DCDC2: variants seen among roughly 807,000 people sequenced by gnomAD.
DCDC2 encodes the protein doublecortin domain-containing protein 2.
A neutral mutation model predicts 50.2 loss-of-function variants in DCDC2; 40 were observed. The ratio of observed to expected loss-of-function variants is 0.80; its 90% CI spans 0.62 to 1.04. DCDC2 has a LOEUF of 1.04. Among genes scored for constraint, DCDC2 ranks in the 50% least tolerant of loss-of-function variants. DCDC2 has a pLI of 0.00. For missense variants in DCDC2, 570 were observed against 581.9 expected (o/e 0.98, Z 0.21); for synonymous variants, 234 against 210.6 (o/e 1.11, Z -0.96).
At chr6:24,292,954 C>T (rs1422361361) in intron 4 of DCDC2, among the ~76,000 whole-genome samples, 2 of 152,156 alleles carry the variant, frequency 1.3e-5, no homozygotes, top group Non-Finnish European at 2.9e-5. Flanking sequence ...TGGCCTATAT[C>T]CAAGCACTAT....
chr6:24,242,377 G>A (rs897156684), intron 7 of DCDC2, among the ~76,000 whole-genome samples: 1 of 151,648 alleles, frequency 6.6e-6, no homozygotes. Flanking sequence ...CACTCACCAC[G>A]CCTGCTCATG....
chr6:24,367,120 G>C, the DCDC2 span, among the ~76,000 whole-genome samples: 1 of 152,312 alleles, frequency 6.6e-6, no homozygotes, highest in African/African-American at 2.4e-5. Flanking sequence ...ACAGCCATGA[G>C]ACACCATGCC....
At chr6:24,358,936 T>TTTATATATTATATA (rs1208615202), upstream of DCDC2, among the ~76,000 whole-genome samples, 198 of 16,984 alleles carry the variant, frequency 0.012, 4 homozygotes, top group Admixed American at 0.023. Flanking sequence ...TATTATATAT[T>TTTATATATTATATA]TTATATATTA....
At chr6:24,373,135 A>G in the DCDC2 span, among the ~76,000 whole-genome samples, 1 of 152,162 alleles carries the variant, frequency 6.6e-6, no homozygotes. Context: ...CTCATCCACC[A>G]CTGGTGAAAC....
At chr6:24,366,562 T>C in the DCDC2 span, among the ~76,000 whole-genome samples, 3 of 152,230 alleles carry the variant, frequency 2.0e-5, no homozygotes, top group Non-Finnish European at 2.9e-5. Flanking sequence ...ATTAAGTGTT[T>C]AATAAATGTT....
At chr6:24,240,974 A>T (rs1361261734) in intron 7 of DCDC2, among the ~76,000 whole-genome samples, 1 of 152,250 alleles carries the variant, frequency 6.6e-6, no homozygotes, top group African/African-American at 2.4e-5. Flanking sequence ...ATATCAAGGC[A>T]ATCAGGAACA....
chr6:24,274,935 T>C (rs940256479), intron 7 of DCDC2, among the ~76,000 whole-genome samples: 11 of 152,100 alleles, frequency 7.2e-5, no homozygotes, highest in Non-Finnish European at 1.5e-4. Flanking sequence ...CTAAAATTTA[T>C]CACTTTGAAA....
intron 7 of DCDC2, among the ~76,000 whole-genome samples, chr6:24,253,604 A>G (rs1215635297): frequency 2.6e-5 from 4 of 152,214 alleles, no homozygotes; most frequent in Non-Finnish European, 1.5e-5. Flanking sequence ...ACAAACCTAT[A>G]CAGCATGCTA....
At chr6:24,239,449 G>T (rs1257086840) in intron 7 of DCDC2, among the ~76,000 whole-genome samples, 1 of 152,070 alleles carries the variant, frequency 6.6e-6, no homozygotes, top group Non-Finnish European at 1.5e-5. Context: ...GCACAAACTG[G>T]GATAGTTGAC....
chr6:24,352,191 C>T (rs1561785044), intron 2 of DCDC2, among the ~76,000 whole-genome samples: 1 of 152,226 alleles, frequency 6.6e-6, no homozygotes, highest in African/African-American at 2.4e-5. Flanking sequence ...TCAGCAAAGA[C>T]ACTGGAATCC....
At chr6:24,190,437 G>GT in intron 8 of DCDC2, among the ~76,000 whole-genome samples, 1 of 152,248 alleles carries the variant, frequency 6.6e-6, no homozygotes, top group African/African-American at 2.4e-5. Flanking sequence ...TAAATGATGA[G>GT]TTAATGGGTG....
chr6:24,226,453 A>G lies in DCDC2; in HGVS notation c.923-21351T>C, dbSNP rs150811358. 4.0e-3 allele frequency among the ~76,000 whole-genome samples: 609 copies of G among 152,330 alleles called. 3 individuals carry two copies. Among genetic ancestry groups the G allele is most frequent in the African/African-American group, 0.013 (544 of 41,578 alleles). ...CACTACTATGGCTGGACCATCCCCT[A>G]TGTGAGCATGAGGGATGAAAACTGG... On this transcript the variant is annotated intron_variant, in intron 7 of 9. Transcript: ENST00000378454.
In DCDC2 at chr6:24,174,759, G is replaced by T. The variant is rs1252683584; in HGVS notation, c.1402C>A (p.Gln468Lys). Residue 468 changes from glutamine to lysine, a missense_variant, in exon 10 of 10, where the codon CAA becomes AAA. Coordinates refer to ENST00000378454, the MANE Select transcript of DCDC2 (RefSeq NM_016356.5). ...TSPEENENNQ[Q>K]NKDYAAVA ...GCCACGGCAGCATAGTCCTTGTTTTGTTGGTTGTTTTCATTTTCTTCTGGA... is the reference window on the plus strand; with the variant it reads ...GCCACGGCAGCATAGTCCTTGTTTTTTTGGTTGTTTTCATTTTCTTCTGGA... The T allele has an allele frequency of 1.2e-6, 2 of 1,613,200 alleles. No individual in the cohort carries two copies. The highest frequency in any genetic ancestry group is 1.1e-5 in the South Asian group (1 of 90,992).
chr6:24,198,011 T>G (rs543846766), intron 8 of DCDC2, among the ~76,000 whole-genome samples: 1 of 152,224 alleles, frequency 6.6e-6, no homozygotes, highest in East Asian at 1.9e-4. Context: ...CACATGTGAG[T>G]ACGTATATAC....
intron 7 of DCDC2, among the ~76,000 whole-genome samples, chr6:24,235,663 G>A (rs904258011): frequency 6.6e-5 from 10 of 152,064 alleles, no homozygotes; most frequent in Admixed American, 3.9e-4. Context: ...AATAACTAGC[G>A]CCATTTATGA....
At chr6:24,202,632 G>C (rs1761612965) in intron 8 of DCDC2, among the ~76,000 whole-genome samples, 1 of 152,116 alleles carries the variant, frequency 6.6e-6, no homozygotes. Flanking sequence ...GTTCTGGCCA[G>C]GGCAATCAGG....
chr6:24,359,948 C>G (rs1308724526), upstream of DCDC2, among the ~76,000 whole-genome samples: 1 of 152,186 alleles, frequency 6.6e-6, no homozygotes, highest in Non-Finnish European at 1.5e-5. Flanking sequence ...AGGTGCCCTC[C>G]GCCGTAGTAC....
chr6:24,195,781 C>G (rs1761421122), intron 8 of DCDC2, among the ~76,000 whole-genome samples: 1 of 152,182 alleles, frequency 6.6e-6, no homozygotes, highest in South Asian at 2.1e-4. Context: ...AGACATCACT[C>G]TCTCTGTCTT....
Position 24,353,569 on chromosome 6 carries a change from C to T in DCDC2, c.348G>A (p.Glu116=). ...ATTTTCAAAATAATATTTGCATTAC[C>T]TCTGTATTAACAACTTCCATTGGTC... The part of the protein sequence containing the change: ...KKRPMEVVNT[E]VKPVIHSRIN... The change falls in exon 2 of 10, where the codon GAG becomes GAA. Residue 116 remains glutamate (E), a splice_region_variant and synonymous_variant. Transcript: ENST00000378454. 6.4e-7 allele frequency: 1 copy of T among 1,560,630 alleles called. No homozygotes were observed.
Sources: allele counts gnomAD v4.1 joint callset (sites outside exome capture counted in the v4.1 genomes callset), GRCh38; gene constraint gnomAD v4.1.1; transcripts MANE v1.5; gene names NCBI Gene and HGNC (gene_info 2026-07-23, HGNC 2026-07-21).